LIPC: variants seen among roughly 807,000 people sequenced by gnomAD.
LIPC encodes the protein lipase C, hepatic type, also known as hepatic triacylglycerol lipase.
LIPC carries 44 observed loss-of-function variants against 50.7 expected under a neutral mutation model. The ratio of observed to expected loss-of-function variants is 0.87; its 90% confidence interval spans 0.68 to 1.11. The LOEUF (loss-of-function observed/expected upper bound fraction) is 1.11, where lower values mean the gene tolerates loss of function less well. Ranked by LOEUF, LIPC falls within the 50% of genes most tolerant of loss-of-function variation. The pLI is 0.00. For synonymous variants in LIPC, 271 were observed against 256.4 expected, an observed-to-expected ratio of 1.06 and a Z score of -0.54; for missense variants, 697 against 648.2, an observed-to-expected ratio of 1.08 and a Z score of -0.82.
chr15:58,568,349 G>T (rs936908117), intron 8 of LIPC, among the ~76,000 whole-genome samples: 1 of 152,182 alleles, frequency 6.6e-6, no homozygotes, highest in African/African-American at 2.4e-5. Context: ...TAGGAGGAAG[G>T]GTTGAGGAAC....
At chr15:58,528,150 A>AAG (rs1555404214) in intron 1 of LIPC, among the ~76,000 whole-genome samples, 1 of 151,430 alleles carries the variant, frequency 6.6e-6, no homozygotes, top group Admixed American at 6.6e-5. Context: ...CAAAAAAAAA[A>AAG]AAAAAAGAAT....
At chr15:58,471,713 G>A (rs527660599) in intron 1 of LIPC, among the ~76,000 whole-genome samples, 1 of 152,130 alleles carries the variant, frequency 6.6e-6, no homozygotes, top group Admixed American at 6.5e-5. Context: ...CCAAATGAAT[G>A]AATTGAGCCA....
chr15:58,538,674 G>A (rs1273829647), intron 2 of LIPC, among the ~76,000 whole-genome samples, 157 bp downstream of exon 2: 1 of 152,170 alleles, frequency 6.6e-6, no homozygotes, highest in Non-Finnish European at 1.5e-5. Context: ...GCTTCCCCAC[G>A]CATTAGCTCA....
intron 6 of LIPC, among the ~76,000 whole-genome samples, chr15:58,556,314 T>C (rs1893949635): frequency 6.6e-6 from 1 of 152,172 alleles, no homozygotes; most frequent in South Asian, 2.1e-4. Flanking sequence ...GGTTCCGAGA[T>C]GGCCTTTGGG....
chr15:58,520,983 G>A (rs928635596), intron 1 of LIPC, among the ~76,000 whole-genome samples: 4 of 152,290 alleles, frequency 2.6e-5, no homozygotes, highest in African/African-American at 4.8e-5. Flanking sequence ...AGATGAGGGC[G>A]AAACAAGGAC....
At chr15:58,491,749 C>T (rs1891594286) in intron 1 of LIPC, among the ~76,000 whole-genome samples, 2 of 152,180 alleles carry the variant, frequency 1.3e-5, no homozygotes, top group South Asian at 4.1e-4. Flanking sequence ...ACTGCCATTG[C>T]CTGACCAGAG....
chr15:58,515,018 G>T (rs1166507903), intron 1 of LIPC, among the ~76,000 whole-genome samples: 2 of 152,106 alleles, frequency 1.3e-5, no homozygotes, highest in Non-Finnish European at 2.9e-5. Flanking sequence ...ACCTTTTTCA[G>T]CTTCTAGAGG....
intron 5 of LIPC, among the ~76,000 whole-genome samples, chr15:58,547,356 C>T (rs12442747): frequency 0.012 from 1,754 of 152,280 alleles, 76 homozygotes; most frequent in Admixed American, 0.091. Context: ...TCGAAAACAG[C>T]GGCCTCAAGG....
intron 1 of LIPC, among the ~76,000 whole-genome samples, chr15:58,492,457 T>G (rs1396935980): frequency 6.6e-6 from 1 of 152,208 alleles, no homozygotes; most frequent in African/African-American, 2.4e-5. Flanking sequence ...CTAAGCATTC[T>G]CCTACTCTAA....
At chr15:58,497,722 T>G (rs2053313933) in intron 1 of LIPC, 1 of 152,342 alleles carries the variant, frequency 6.6e-6, no homozygotes, top group South Asian at 2.1e-4. Flanking sequence ...CATACCTGTC[T>G]CCATCGCAGA....
chr15:58,461,637 C>T (rs565429508), intron 1 of LIPC, among the ~76,000 whole-genome samples: 15 of 151,388 alleles, frequency 9.9e-5, no homozygotes, highest in Admixed American at 5.9e-4. Context: ...AGGCTGGTCT[C>T]GAACTCCTGA....
intron 1 of LIPC, among the ~76,000 whole-genome samples, chr15:58,491,884 G>A (rs1420907855): frequency 2.0e-5 from 3 of 152,162 alleles, no homozygotes; most frequent in Non-Finnish European, 4.4e-5. Flanking sequence ...ATTCCTATTG[G>A]TCCTTCCAGA....
chr15:58,448,100 G>T (rs1893766595), intron 1 of LIPC, among the ~76,000 whole-genome samples: 1 of 152,150 alleles, frequency 6.6e-6, no homozygotes, highest in Non-Finnish European at 1.5e-5. Context: ...TTTGCAACAA[G>T]TTCCTAACAT....
chr15:58,456,721 A>T (rs1894130744), intron 1 of LIPC, among the ~76,000 whole-genome samples: 1 of 152,214 alleles, frequency 6.6e-6, no homozygotes, highest in African/African-American at 2.4e-5. Context: ...CTCTTTGCAA[A>T]TGTCCCCCGC....
chr15:58,517,607 T>G (rs1979178), intron 1 of LIPC, among the ~76,000 whole-genome samples: 6,115 of 152,262 alleles, frequency 0.04, 225 homozygotes, highest in East Asian at 0.094. Context: ...GAAACACCCT[T>G]TGTATATGAG....
In LIPC at chr15:58,442,028, G is replaced by A. The variant is rs186794435; in HGVS notation, c.88+9908G>A. ...GTTTTTGTTGCTGTGCTGTGTTTTC[G>A]TGTAGTCTCTCCCAAAGGGACTTGG... On this transcript the variant is annotated intron_variant, in intron 1 of 8. Transcript: ENST00000299022. Among the ~76,000 whole-genome samples the A allele has an allele frequency of 1.7e-3, 265 of 152,242 alleles. 1 individual carries two copies. The highest frequency in any genetic ancestry group is 2.2e-3 in the Non-Finnish European group (149 of 68,020).
chr15:58,479,024 T>C (rs1396893880), intron 1 of LIPC, among the ~76,000 whole-genome samples: 1 of 152,170 alleles, frequency 6.6e-6, no homozygotes. Flanking sequence ...TTCAATGAAT[T>C]CCCACTTTCC....
intron 1 of LIPC, chr15:58,498,674 C>G (rs1283508325): frequency 6.6e-6 from 1 of 152,192 alleles, no homozygotes; most frequent in East Asian, 1.9e-4. Flanking sequence ...TACTCCCCAG[C>G]AGCTGAGCCA....
At chr15:58,565,301 A>G in intron 8 of LIPC, 1 of 1,535,542 alleles carries the variant, frequency 6.5e-7, no homozygotes, top group Non-Finnish European at 8.7e-7. Flanking sequence ...CCCTGCCCAG[A>G]TGCTCTTAGC....
Sources: allele counts gnomAD v4.1 joint callset (sites outside exome capture counted in the v4.1 genomes callset), GRCh38; gene constraint gnomAD v4.1.1; transcripts MANE v1.5; gene names NCBI Gene and HGNC (gene_info 2026-07-23, HGNC 2026-07-21).